The following CCDC102B variants were observed in gnomAD, a reference collection of about 807,000 sequenced individuals.
CCDC102B encodes coiled-coil domain containing 102B.
Under a neutral mutation model 57.4 loss-of-function variants are expected in CCDC102B, and 75 were observed. That is an observed-to-expected ratio of 1.31 (90% confidence interval 1.08 to 1.58). CCDC102B has a LOEUF of 1.58. Among genes scored for constraint, CCDC102B ranks in the 40% most tolerant of loss-of-function variants. CCDC102B has a pLI of 0.00. For synonymous variants in CCDC102B, 206 were observed against 201.9 expected (o/e 1.02, Z -0.17); for missense variants, 636 against 582.6 (o/e 1.09, Z -0.94).
intron 2 of CCDC102B, among the ~76,000 whole-genome samples, chr18:68,723,054 G>A (rs551926729): frequency 1.3e-5 from 2 of 152,130 alleles, no homozygotes; most frequent in East Asian, 3.9e-4. Flanking sequence ...CATGGCTGGG[G>A]AGGCCTCAGG....
At chr18:69,003,268 T>G (rs1030917054) in intron 6 of CCDC102B, among the ~76,000 whole-genome samples, 2 of 152,206 alleles carry the variant, frequency 1.3e-5, no homozygotes, top group Admixed American at 6.5e-5. Context: ...TTGTTTAAAC[T>G]ATGTCTTTTA....
chr18:68,783,733 A>G (rs1230955288), intron 2 of CCDC102B, among the ~76,000 whole-genome samples: 1 of 152,190 alleles, frequency 6.6e-6, no homozygotes, highest in African/African-American at 2.4e-5. Context: ...GATTTACATC[A>G]GAAGATGTAA....
intron 6 of CCDC102B, among the ~76,000 whole-genome samples, chr18:68,950,190 A>AT (rs984996048): frequency 1.3e-5 from 2 of 152,076 alleles, no homozygotes; most frequent in South Asian, 4.1e-4. Context: ...TTTCTGGAAT[A>AT]TTTTTATCTG....
At chr18:68,933,719 G>A (rs904898795) in intron 6 of CCDC102B, among the ~76,000 whole-genome samples, 1 of 151,846 alleles carries the variant, frequency 6.6e-6, no homozygotes, top group Non-Finnish European at 1.5e-5. Context: ...GTTCCAAATT[G>A]TAGCAGAAGT....
At chr18:68,816,013 C>A (rs1209603510) in intron 1 of CCDC102B, among the ~76,000 whole-genome samples, 1 of 152,128 alleles carries the variant, frequency 6.6e-6, no homozygotes, top group South Asian at 2.1e-4. Context: ...AAGTGTTTTG[C>A]TTTCCAAATT....
At chr18:68,823,658 T>A (rs929938265) in intron 1 of CCDC102B, among the ~76,000 whole-genome samples, 4 of 152,318 alleles carry the variant, frequency 2.6e-5, no homozygotes, top group African/African-American at 9.6e-5. Flanking sequence ...GCTGAACTAA[T>A]TTACACCCCC....
intron 2 of CCDC102B, among the ~76,000 whole-genome samples, chr18:68,723,211 T>C (rs2145189018): frequency 6.6e-6 from 1 of 152,246 alleles, no homozygotes; most frequent in South Asian, 2.1e-4. Context: ...ACTGCCCCCA[T>C]GATTAAACTA....
rs147457158 is a variant in CCDC102B at position 68,906,687 on chromosome 18, T to A, written c.1263+9259T>A. On this transcript the variant is annotated intron_variant, in intron 6 of 7. Coordinates refer to ENST00000360242, the MANE Select transcript of CCDC102B (RefSeq NM_024781.3). ...CTCTTTGACTAATTTTAAATTGAGT[T>A]GTATTTTTGTTGGAGAATTGTAAGA... Among the ~76,000 whole-genome samples the A allele has an allele frequency of 3.6e-3, 548 of 152,312 alleles. 9 individuals carry two copies. Among genetic ancestry groups the A allele is most frequent in the African/African-American group, 0.013 (521 of 41,578 alleles).
At chr18:69,002,774 A>G (rs1318887496) in intron 6 of CCDC102B, among the ~76,000 whole-genome samples, 1 of 152,066 alleles carries the variant, frequency 6.6e-6, no homozygotes, top group East Asian at 1.9e-4. Flanking sequence ...CACTGTCTCA[A>G]TGTTTTCCTT....
intron 6 of CCDC102B, among the ~76,000 whole-genome samples, chr18:68,919,886 A>G (rs2041214037): frequency 6.6e-6 from 1 of 152,168 alleles, no homozygotes; most frequent in Non-Finnish European, 1.5e-5. Context: ...ATAATTACTA[A>G]GATATATGAA....
At chr18:68,992,465 A>G (rs1379631735) in intron 6 of CCDC102B, among the ~76,000 whole-genome samples, 1 of 152,164 alleles carries the variant, frequency 6.6e-6, no homozygotes, top group African/African-American at 2.4e-5. Context: ...CCTTTGCTAC[A>G]ATGATCGAAT....
intron 2 of CCDC102B, among the ~76,000 whole-genome samples, chr18:68,741,706 CA>C (rs754140981): frequency 0.063 from 7,369 of 117,690 alleles, 255 homozygotes; most frequent in Admixed American, 0.15. Context: ...CACACACACA[CA>C]CACACACCCC....
chr18:68,805,673 A>G (rs2036008394), intron 1 of CCDC102B, among the ~76,000 whole-genome samples: 1 of 152,144 alleles, frequency 6.6e-6, no homozygotes, highest in African/African-American at 2.4e-5. Context: ...ATTGATATGG[A>G]AAGAAATGCT....
At chr18:69,041,038 G>A (rs2052421111) in intron 7 of CCDC102B, among the ~76,000 whole-genome samples, 1 of 152,104 alleles carries the variant, frequency 6.6e-6, no homozygotes, top group East Asian at 1.9e-4. Context: ...GAGTGTTAGA[G>A]TAAAAAGAAA....
At chr18:69,037,613 G>A (rs1336937097) in intron 7 of CCDC102B, among the ~76,000 whole-genome samples, 2 of 151,938 alleles carry the variant, frequency 1.3e-5, no homozygotes, top group Non-Finnish European at 2.9e-5. Context: ...TGATTTATGA[G>A]AAGGTTAACA....
At chr18:68,942,806 CA>C (rs1442353950) in intron 6 of CCDC102B, among the ~76,000 whole-genome samples, 2 of 151,390 alleles carry the variant, frequency 1.3e-5, no homozygotes, top group African/African-American at 4.8e-5. Context: ...TCCTCCTCAG[CA>C]CAGACCCTTT....
At chr18:68,838,550 A>G in intron 2 of CCDC102B, 156 bp from the exon 3 acceptor site, 2 of 985,422 alleles carry the variant, frequency 2.0e-6, no homozygotes, top group African/African-American at 1.7e-5. Flanking sequence ...GAAGAATGCA[A>G]GTAAGTGTGG....
intron 2 of CCDC102B, among the ~76,000 whole-genome samples, chr18:68,779,676 A>T (rs901481033): frequency 6.6e-6 from 1 of 152,096 alleles, no homozygotes; most frequent in African/African-American, 2.4e-5. Context: ...AGAAGCAGAA[A>T]ATCATGCAGT....
At chr18:68,850,517 C>T (rs1168121020) in intron 4 of CCDC102B, among the ~76,000 whole-genome samples, 1 of 151,880 alleles carries the variant, frequency 6.6e-6, no homozygotes, top group Non-Finnish European at 1.5e-5. Flanking sequence ...CTTTTAAACT[C>T]ATCAACCTGC....
Sources: gnomAD v4.1 joint callset for allele counts (sites outside exome capture counted in the v4.1 genomes callset) on GRCh38, gnomAD v4.1.1 for gene constraint, MANE v1.5 for transcripts, NCBI Gene and HGNC (gene_info 2026-07-23, HGNC 2026-07-21) for gene names.